Variants in ORC2 observed in about 807,000 individuals in gnomAD.
The protein encoded by ORC2 is origin recognition complex subunit 2.
In ORC2, 37 loss-of-function variants were observed where a neutral mutation model predicts 77.7. That is an observed-to-expected ratio of 0.48 (90% CI 0.37 to 0.63). The LOEUF (loss-of-function observed/expected upper bound fraction) is 0.63. Among genes scored for constraint, ORC2 ranks in the 20% least tolerant of loss-of-function variants. The probability of loss-of-function intolerance (pLI) is 0.00; values close to 1 mark genes in which losing one functional copy is unlikely to be tolerated. For synonymous variants in ORC2, 201 were observed against 229.5 expected (o/e 0.88, Z 1.12); for missense variants, 557 against 661.9 (o/e 0.84, Z 1.74).
rs115884182 is a variant in ORC2 at position 200,919,692 on chromosome 2, A to C, written c.1466+530T>G. On this transcript the variant is annotated intron_variant, in intron 15 of 17. Coordinates refer to ENST00000234296, the MANE Select transcript of ORC2 (RefSeq NM_006190.5). Reference sequence around the variant, plus strand: ...AATTTATTTTTTGCTGGCTTATGCTATAACCAGCTTGCATTTATTAATTCA... The same window carrying C: ...AATTTATTTTTTGCTGGCTTATGCTCTAACCAGCTTGCATTTATTAATTCA... Among the ~76,000 whole-genome samples the C allele has an allele frequency of 2.6e-3, 403 of 152,310 alleles. 1 individual carries two copies. Among genetic ancestry groups the C allele is most frequent in the African/African-American group, 9.2e-3 (382 of 41,570 alleles).
intron 10 of ORC2, among the ~76,000 whole-genome samples, chr2:200,932,574 G>A (rs1210538009): frequency 6.6e-6 from 1 of 152,010 alleles, no homozygotes; most frequent in African/African-American, 2.4e-5. Flanking sequence ...TCCTGACCTC[G>A]TGATCCTCCC....
At chr2:200,927,040 G>A (rs965806227) in intron 11 of ORC2, 140 bp from the exon 12 acceptor site, 16 of 833,496 alleles carry the variant, frequency 1.9e-5, no homozygotes, top group South Asian at 5.6e-5. Context: ...TGTAATCCCC[G>A]AATTTTGGGA....
Position 200,954,883 on chromosome 2 carries a change from G to GGAAT in ORC2, c.238+2514_238+2517dup, listed in dbSNP as rs773669787. Among the ~76,000 whole-genome samples, 727 of 143,758 alleles carry GGAAT rather than the reference G, an allele frequency of 5.1e-3. 4 individuals are homozygous for GGAAT. The highest frequency in any genetic ancestry group is 7.7e-3 in the Non-Finnish European group (509 of 66,126). The allele number at this position is 143,758 out of a possible 152,430, so 94.3% of individuals were successfully genotyped here. ...AATAAGGCAAAGTTCCCCAGTGTGA[G>GGAAT]GAATGAATGAATGAATGAATGAATA... On this transcript the variant is annotated intron_variant, in intron 4 of 17. Coordinates refer to ENST00000234296, the MANE Select transcript of ORC2 (RefSeq NM_006190.5).
At chr2:200,933,834 C>T (rs769250459) in intron 10 of ORC2, 42 bp downstream of exon 10, 4 of 1,114,720 alleles carry the variant, frequency 3.6e-6, no homozygotes, top group Non-Finnish European at 5.3e-6. Flanking sequence ...TTTTTCAGGA[C>T]AGAGTAAAAA....
chr2:200,949,556 A>C lies in ORC2; in HGVS notation c.326T>G (p.Leu109Ter). ...NRKHSEKMAK[L>*]ASELAKTPQK... ...TAGAAATCAGAAAAGCAACATACCT[A>C]ATTTAGCCATCTTTTCAGAGTGTTT... The change falls in exon 5 of 18, where the codon TTA (leucine) becomes TGA (stop). Residue 109 changes from leucine (L) to a stop codon, truncating the protein, a stop_gained and splice_region_variant. Coordinates refer to ENST00000234296, the MANE Select transcript of ORC2 (RefSeq NM_006190.5). LOFTEE classifies it high-confidence loss of function. The C allele has an allele frequency of 6.5e-7, 1 of 1,528,198 alleles. No homozygotes were observed. Among genetic ancestry groups the C allele is most frequent in the Non-Finnish European group, 9.1e-7 (1 of 1,104,766 alleles). The allele number at this position is 1,528,198 out of a possible 1,614,324, so 94.7% of individuals were successfully genotyped here.
At chr2:200,911,501 T>C (rs2040551428) in intron 17 of ORC2, 114 bp from the exon 18 acceptor site, 2 of 597,392 alleles carry the variant, frequency 3.3e-6, no homozygotes, top group Non-Finnish European at 5.8e-6. Flanking sequence ...TTTTTAAATA[T>C]ATAAGTATAA....
At chr2:200,962,449 T>C (rs1482647595) in intron 1 of ORC2, among the ~76,000 whole-genome samples, 4 of 152,232 alleles carry the variant, frequency 2.6e-5, no homozygotes, top group Non-Finnish European at 5.9e-5. Flanking sequence ...TAAACACCAA[T>C]TTTAATATTG....
chr2:200,961,204 C>G (rs16836289), intron 1 of ORC2, among the ~76,000 whole-genome samples: 4,696 of 151,468 alleles, frequency 0.031, 260 homozygotes, highest in African/African-American at 0.11. Context: ...TTTTTTGAAA[C>G]AGGGTCATTC....
rs1198713045 is a variant in ORC2, at chr2:200,910,766, C to G, written c.*535G>C. The G allele has an allele frequency of 6.6e-6, 1 of 151,496 alleles. No homozygotes were observed. Among genetic ancestry groups the G allele is most frequent in the African/African-American group, 2.5e-5 (1 of 40,736 alleles). The allele number at this position is 151,496 out of a possible 1,614,324, so 9.4% of individuals were successfully genotyped here. On this transcript the variant is annotated 3_prime_UTR_variant, in exon 18 of 18. Coordinates refer to ENST00000234296, the MANE Select transcript of ORC2 (RefSeq NM_006190.5). ...TCAATCCAAAAGGAGAAAGCTGGAT[C>G]ACTCACCTCTTCCCAATCTACACCT...
chr2:200,946,164 T>G (rs1341851280), intron 5 of ORC2, among the ~76,000 whole-genome samples: 4 of 152,086 alleles, frequency 2.6e-5, no homozygotes, highest in African/African-American at 7.2e-5. Context: ...TTTTTTAATT[T>G]TTTTTTATAG....
intron 9 of ORC2, 54 bp from the exon 10 acceptor site, chr2:200,934,028 TCAAA>T: frequency 4.6e-6 from 4 of 867,068 alleles, no homozygotes; most frequent in Non-Finnish European, 7.4e-6. Context: ...CTGTCTCATA[TCAAA>T]ATTAGACAGT....
At chr2:200,912,840 C>G (rs1258109191) in intron 17 of ORC2, among the ~76,000 whole-genome samples, 1 of 152,174 alleles carries the variant, frequency 6.6e-6, no homozygotes, top group Non-Finnish European at 1.5e-5. Flanking sequence ...CATAGGACTT[C>G]CTTACAGTTA....
chr2:200,954,280 C>A (rs1325537193), intron 4 of ORC2, among the ~76,000 whole-genome samples: 1 of 152,064 alleles, frequency 6.6e-6, no homozygotes, highest in Non-Finnish European at 1.5e-5. Context: ...GCGATCCACC[C>A]GCCTTGGCCT....
At chr2:200,948,752 C>T (rs1195202828) in intron 5 of ORC2, among the ~76,000 whole-genome samples, 3 of 151,922 alleles carry the variant, frequency 2.0e-5, no homozygotes, top group Admixed American at 6.5e-5. Flanking sequence ...TTAGTAGAGA[C>T]GGGGTTTTAC....
chr2:200,949,283 G>A (rs888185232), intron 5 of ORC2, among the ~76,000 whole-genome samples: 1 of 150,902 alleles, frequency 6.6e-6, no homozygotes, highest in African/African-American at 2.4e-5. Flanking sequence ...TTTTGGAGAG[G>A]ACTAAAGAAA....
At chr2:200,925,561 G>A (rs928552376) in intron 13 of ORC2, among the ~76,000 whole-genome samples, 5 of 151,896 alleles carry the variant, frequency 3.3e-5, no homozygotes, top group Admixed American at 6.6e-5. Flanking sequence ...GCAACATAGC[G>A]AGACCTCATC....
At chr2:200,928,804 ACT>A (rs1428039431) in intron 11 of ORC2, among the ~76,000 whole-genome samples, 8 of 149,722 alleles carry the variant, frequency 5.3e-5, no homozygotes, top group East Asian at 2.0e-4. Flanking sequence ...ACAGAGCAAG[ACT>A]CTGTCTCAAA....
At chr2:200,929,638 T>A (rs1452575585) in intron 11 of ORC2, among the ~76,000 whole-genome samples, 1 of 151,236 alleles carries the variant, frequency 6.6e-6, no homozygotes, top group African/African-American at 2.4e-5. Flanking sequence ...CAATAAAAAA[T>A]AAAAAAAATT....
chr2:200,937,268 A>G (rs1180328520), intron 8 of ORC2, among the ~76,000 whole-genome samples: 1 of 152,238 alleles, frequency 6.6e-6, no homozygotes, highest in African/African-American at 2.4e-5. Flanking sequence ...GACATGAAAT[A>G]ACAATCACAA....
Sources: gnomAD v4.1 joint callset for allele counts (sites outside exome capture counted in the v4.1 genomes callset) on GRCh38, gnomAD v4.1.1 for gene constraint, MANE v1.5 for transcripts, NCBI Gene and HGNC (gene_info 2026-07-23, HGNC 2026-07-21) for gene names.